The following GABRB3 variants were observed in gnomAD, a reference collection of about 807,000 sequenced individuals.
GABRB3 encodes gamma-aminobutyric acid type A receptor subunit beta3.
GABRB3 carries 14 observed loss-of-function variants against 52.1 expected under a neutral mutation model. That is an observed-to-expected ratio of 0.27 (90% CI 0.18 to 0.42). The LOEUF is 0.42. Among genes scored for constraint, GABRB3 ranks in the 10% least tolerant of loss-of-function variants. The probability of loss-of-function intolerance (pLI) is 1.00; values close to 1 mark genes in which losing one functional copy is unlikely to be tolerated. For missense variants in GABRB3, 307 were observed against 609.1 expected, an observed-to-expected ratio of 0.50 and a Z score of 5.22; for synonymous variants, 260 against 232.3, an observed-to-expected ratio of 1.12 and a Z score of -1.08.
intron 4 of GABRB3, among the ~76,000 whole-genome samples, chr15:26,584,025 C>T (rs1890887115): frequency 6.6e-6 from 1 of 152,176 alleles, no homozygotes; most frequent in Non-Finnish European, 1.5e-5. Flanking sequence ...ATCCGCCTGC[C>T]TCGGCCTCCC....
At chr15:26,653,549 T>C (rs1887266849) in intron 3 of GABRB3, among the ~76,000 whole-genome samples, 1 of 152,190 alleles carries the variant, frequency 6.6e-6, no homozygotes, top group Non-Finnish European at 1.5e-5. Context: ...CTCCAGACTC[T>C]GAGTTTTCAG....
chr15:26,574,866 A>G (rs1336576365), intron 6 of GABRB3, among the ~76,000 whole-genome samples: 1 of 152,230 alleles, frequency 6.6e-6, no homozygotes, highest in Non-Finnish European at 1.5e-5. Flanking sequence ...TGCCCTTTAA[A>G]TGGGTAAATT....
intron 3 of GABRB3, among the ~76,000 whole-genome samples, chr15:26,656,749 T>C (rs1165951403): frequency 1.3e-5 from 2 of 152,114 alleles, no homozygotes; most frequent in Admixed American, 6.5e-5. Flanking sequence ...CCCCAAACCA[T>C]ACCCCTCCCC....
intron 4 of GABRB3, among the ~76,000 whole-genome samples, chr15:26,619,939 C>G (rs1359509669): frequency 8.7e-6 from 1 of 115,234 alleles, no homozygotes; most frequent in African/African-American, 3.6e-5. Flanking sequence ...ACATCACATA[C>G]CGCACACACC....
At chr15:26,745,400 T>C (rs994479526) in intron 3 of GABRB3, among the ~76,000 whole-genome samples, 1 of 152,248 alleles carries the variant, frequency 6.6e-6, no homozygotes, top group South Asian at 2.1e-4. Flanking sequence ...TGTGTAACTA[T>C]AGTACAATAT....
chr15:26,554,144 G>GTGTGTGTGTA lies in GABRB3; in HGVS notation c.1081-6011_1081-6010insTACACACACA, dbSNP rs1567097228. Among the ~76,000 whole-genome samples the GTGTGTGTGTA allele has an allele frequency of 2.5e-3, 82 of 32,274 alleles. 2 individuals carry two copies. The highest frequency in any genetic ancestry group is 9.4e-3 in the African/African-American group (79 of 8,436). The allele number at this position is 32,274 out of a possible 152,430, so 21.2% of individuals were successfully genotyped here. On this transcript the variant is annotated intron_variant, in intron 8 of 8. Transcript: ENST00000311550. Reference sequence around the variant, plus strand: ...GTGTGTGTGTATATATATATATAAAGTATATATATATATAAAGTATATATA... The same window carrying GTGTGTGTGTA: ...GTGTGTGTGTATATATATATATAAAGTGTGTGTGTATATATATATATATAAAGTATATATA...
chr15:26,668,532 T>C (rs561034355), intron 3 of GABRB3, among the ~76,000 whole-genome samples: 1 of 139,762 alleles, frequency 7.2e-6, no homozygotes, highest in Non-Finnish European at 1.6e-5. Context: ...GGATGTCATT[T>C]ATGTGTTTTT....
At chr15:26,717,941 A>T (rs939799569) in intron 3 of GABRB3, among the ~76,000 whole-genome samples, 1 of 152,208 alleles carries the variant, frequency 6.6e-6, no homozygotes, top group African/African-American at 2.4e-5. Flanking sequence ...AAGGAAGAAG[A>T]GTTCTCACTT....
chr15:26,745,902 G>A (rs900264313), intron 3 of GABRB3, among the ~76,000 whole-genome samples: 2 of 152,166 alleles, frequency 1.3e-5, no homozygotes, highest in East Asian at 3.9e-4. Flanking sequence ...TAAAGATGCT[G>A]TGAACATTCG....
intron 7 of GABRB3, among the ~76,000 whole-genome samples, chr15:26,564,753 T>G (rs1890103705): frequency 6.6e-6 from 1 of 152,244 alleles, no homozygotes; most frequent in African/African-American, 2.4e-5. Flanking sequence ...TGGAGCTCAG[T>G]AGCATCTTAA....
chr15:26,594,180 A>T lies in GABRB3; in HGVS notation c.462-10766T>A, dbSNP rs530124718. Among the ~76,000 whole-genome samples the T allele has an allele frequency of 2.0e-5, 3 of 151,628 alleles. No homozygotes were observed. In the East Asian group the frequency reaches 5.9e-4, roughly 30 times the overall value. On this transcript the variant is annotated intron_variant, in intron 4 of 8. Transcript: ENST00000311550. ...CTCTTTGAATAAAGAGATTATTTAA[A>T]GTCTTTATCAAGTAAGTCCAATAAT... is the stretch of plus-strand genomic sequence containing the variant.
intron 8 of GABRB3, among the ~76,000 whole-genome samples, chr15:26,554,936 T>C (rs1889697094): frequency 6.6e-6 from 1 of 152,034 alleles, no homozygotes; most frequent in Non-Finnish European, 1.5e-5. Flanking sequence ...TCCCGGCACT[T>C]TGGGAGGCTG....
intron 3 of GABRB3, among the ~76,000 whole-genome samples, chr15:26,701,164 AGACT>A (rs1305622554): frequency 2.0e-5 from 3 of 152,362 alleles, no homozygotes; most frequent in Admixed American, 6.5e-5. Flanking sequence ...AACAGTAAAA[AGACT>A]GACTGCTTTC....
At chr15:26,741,653 G>A (rs943405155) in intron 3 of GABRB3, among the ~76,000 whole-genome samples, 2 of 152,122 alleles carry the variant, frequency 1.3e-5, no homozygotes, top group African/African-American at 4.8e-5. Flanking sequence ...CCGTCCCCCA[G>A]GCTGGAGTGC....
At chr15:26,598,739 T>G (rs1352228119) in intron 4 of GABRB3, among the ~76,000 whole-genome samples, 2 of 151,910 alleles carry the variant, frequency 1.3e-5, no homozygotes, top group East Asian at 3.9e-4. Context: ...CAAAGAACAT[T>G]AGGGGGAAAT....
At chr15:26,673,976 C>T (rs550854136) in intron 3 of GABRB3, among the ~76,000 whole-genome samples, 11 of 152,172 alleles carry the variant, frequency 7.2e-5, no homozygotes, top group African/African-American at 2.4e-4. Context: ...ATCTATAAAA[C>T]GTGTTATCTG....
At chr15:26,615,533 T>G in intron 4 of GABRB3, 2 of 783,972 alleles carry the variant, frequency 2.6e-6, no homozygotes, top group Non-Finnish European at 3.1e-6. Context: ...TACAAGAATG[T>G]GATCACTCTC....
intron 3 of GABRB3, among the ~76,000 whole-genome samples, chr15:26,639,093 C>T (rs1270824609): frequency 1.3e-5 from 2 of 152,062 alleles, no homozygotes; most frequent in African/African-American, 2.4e-5. Flanking sequence ...CTAGCATCAC[C>T]GGTTTTCAGA....
At chr15:26,721,063 G>T (rs1299651716) in intron 3 of GABRB3, among the ~76,000 whole-genome samples, 1 of 152,056 alleles carries the variant, frequency 6.6e-6, no homozygotes, top group Non-Finnish European at 1.5e-5. Context: ...ATCCGCCCAG[G>T]GGTCCCCACA....
Sources: gnomAD v4.1 joint callset for allele counts (sites outside exome capture counted in the v4.1 genomes callset) on GRCh38, gnomAD v4.1.1 for gene constraint, MANE v1.5 for transcripts, NCBI Gene and HGNC (gene_info 2026-07-23, HGNC 2026-07-21) for gene names.